Variants in SPOCK3 observed in about 807,000 individuals in gnomAD.
SPOCK3 encodes the protein SPARC (osteonectin), cwcv and kazal like domains proteoglycan 3.
A neutral mutation model predicts 56.6 loss-of-function variants in SPOCK3; 30 were observed. The observed-to-expected ratio is 0.53, with a 90% confidence interval of 0.40 to 0.72. The LOEUF is 0.72. SPOCK3 is among the 30% of genes least tolerant of loss of function. SPOCK3 has a pLI of 0.00. For synonymous variants in SPOCK3, 196 were observed against 183.3 expected, an observed-to-expected ratio of 1.07 and a Z score of -0.56; for missense variants, 527 against 530.0, an observed-to-expected ratio of 0.99 and a Z score of 0.06.
chr4:166,937,229 TG>T (rs1457727027), intron 4 of SPOCK3, among the ~76,000 whole-genome samples: 2 of 151,892 alleles, frequency 1.3e-5, no homozygotes, highest in Non-Finnish European at 2.9e-5. Context: ...CATCAAGTCG[TG>T]ACTAGAAAAT....
chr4:167,054,547 G>A (rs1460679051), intron 3 of SPOCK3, among the ~76,000 whole-genome samples: 2 of 152,176 alleles, frequency 1.3e-5, no homozygotes, highest in Non-Finnish European at 2.9e-5. Context: ...ATGAAGAGAA[G>A]TAATATCACA....
At chr4:166,999,043 G>A (rs1488053078) in intron 4 of SPOCK3, among the ~76,000 whole-genome samples, 1 of 152,164 alleles carries the variant, frequency 6.6e-6, no homozygotes, top group Non-Finnish European at 1.5e-5. Context: ...TGGGGGATAT[G>A]TTACTGATAA....
At chr4:167,228,274 C>T (rs1736798840) in intron 2 of SPOCK3, among the ~76,000 whole-genome samples, 1 of 152,090 alleles carries the variant, frequency 6.6e-6, no homozygotes, top group Non-Finnish European at 1.5e-5. Flanking sequence ...AATCTACGCA[C>T]ATAAATACAT....
At chr4:167,076,353 C>T (rs1055369194) in intron 2 of SPOCK3, among the ~76,000 whole-genome samples, 3 of 151,716 alleles carry the variant, frequency 2.0e-5, no homozygotes, top group Admixed American at 6.6e-5. Context: ...TGTGATCACT[C>T]TGGTAGGGAT....
chr4:166,836,524 T>G (rs977148091), intron 6 of SPOCK3, among the ~76,000 whole-genome samples: 1 of 152,208 alleles, frequency 6.6e-6, no homozygotes, highest in African/African-American at 2.4e-5. Context: ...ACTGACATAT[T>G]TTTTCTTATG....
chr4:167,030,861 C>G (rs1314645440), intron 3 of SPOCK3, among the ~76,000 whole-genome samples: 1 of 152,024 alleles, frequency 6.6e-6, no homozygotes, highest in East Asian at 1.9e-4. Context: ...CTCCAACAAG[C>G]TGCAGGAACT....
At chr4:166,821,369 A>C (rs1744923218) in intron 6 of SPOCK3, among the ~76,000 whole-genome samples, 1 of 152,056 alleles carries the variant, frequency 6.6e-6, no homozygotes, top group African/African-American at 2.4e-5. Flanking sequence ...AGACATTTTG[A>C]AAAACGGTTT....
intron 2 of SPOCK3, among the ~76,000 whole-genome samples, chr4:167,107,123 G>A (rs1463980408): frequency 2.0e-5 from 3 of 151,752 alleles, no homozygotes; most frequent in South Asian, 4.1e-4. Flanking sequence ...ATAAATAGAG[G>A]GAAAAGGAAT....
chr4:166,828,960 C>T (rs1312419507), intron 6 of SPOCK3, among the ~76,000 whole-genome samples: 1 of 151,848 alleles, frequency 6.6e-6, no homozygotes, highest in Admixed American at 6.6e-5. Context: ...CTACTGTTTC[C>T]CTATTAAAAA....
At chr4:166,890,295 T>A (rs6832604) in intron 5 of SPOCK3, among the ~76,000 whole-genome samples, 92,418 of 151,498 alleles carry the variant, frequency 0.61, 28,719 homozygotes, top group East Asian at 0.77. Flanking sequence ...CTGAGTACCA[T>A]CTCCTAAAAG....
chr4:166,734,786 AT>A lies in SPOCK3; in HGVS notation c.*134del. 1 of 776,686 alleles carries A rather than the reference AT, an allele frequency of 1.3e-6. No individual in the cohort carries two copies. 48.1% of individuals were successfully genotyped at this position (776,686 alleles called of 1,614,324 possible). ...ATAAAGTTCTATAACTTTAGCTGCA[AT>A]TTTTCAAATAATTATACAAAATATA... On this transcript the variant is annotated 3_prime_UTR_variant, in exon 11 of 11. Transcript: ENST00000357545.
intron 3 of SPOCK3, among the ~76,000 whole-genome samples, chr4:167,061,960 C>T (rs548692668): frequency 1.1e-4 from 16 of 151,782 alleles, no homozygotes; most frequent in African/African-American, 3.9e-4. Flanking sequence ...TTCTTGTTTT[C>T]CTTTTAAAGG....
chr4:166,842,945 G>T (rs1044864304), intron 6 of SPOCK3, among the ~76,000 whole-genome samples: 26 of 152,224 alleles, frequency 1.7e-4, no homozygotes, highest in Admixed American at 6.5e-5. Context: ...AGGCATGGCA[G>T]GCTGCAGATC....
chr4:166,765,030 T>A (rs1737804202), intron 7 of SPOCK3, among the ~76,000 whole-genome samples: 1 of 152,080 alleles, frequency 6.6e-6, no homozygotes, highest in Admixed American at 6.6e-5. Context: ...CACTTTTCGA[T>A]GGGTTCTTTG....
chr4:166,766,596 C>T (rs908563488), intron 7 of SPOCK3, among the ~76,000 whole-genome samples: 18 of 152,012 alleles, frequency 1.2e-4, no homozygotes, highest in African/African-American at 3.1e-4. Context: ...TTGCCAGTAT[C>T]TTATTGAGGA....
chr4:166,824,134 C>G (rs933230185), intron 6 of SPOCK3, among the ~76,000 whole-genome samples: 8 of 152,010 alleles, frequency 5.3e-5, no homozygotes, highest in Non-Finnish European at 7.4e-5. Context: ...GGAGCCATAG[C>G]CTCTCAACTG....
intron 2 of SPOCK3, among the ~76,000 whole-genome samples, chr4:167,159,840 TC>T (rs1266685945): frequency 7.9e-5 from 12 of 151,892 alleles, no homozygotes; most frequent in Admixed American, 4.6e-4. Context: ...AAATTCAACA[TC>T]CCTTCATGCT....
intron 5 of SPOCK3, among the ~76,000 whole-genome samples, chr4:166,895,566 T>G (rs1278396385): frequency 7.2e-5 from 11 of 152,186 alleles, no homozygotes; most frequent in Admixed American, 7.2e-4. Context: ...ATAAAAATAC[T>G]GAAGTGTGAT....
rs28432321 is a variant in SPOCK3 at position 166,750,003 on chromosome 4, A to T, written c.931+4505T>A. ...AACACCCTCGTGCATTTGAGTCTAT[A>T]CCTGAAAATGCACGTACATTTGATC... On this transcript the variant is annotated intron_variant, in intron 8 of 10. Coordinates refer to ENST00000357545, the MANE Select transcript of SPOCK3 (RefSeq NM_001040159.2). Among the ~76,000 whole-genome samples the T allele has an allele frequency of 8.7e-3, 1,318 of 152,222 alleles. 25 individuals carry two copies. Among genetic ancestry groups the T allele is most frequent in the African/African-American group, 0.03 (1,249 of 41,560 alleles).
Sources: gnomAD v4.1 joint callset for allele counts (sites outside exome capture counted in the v4.1 genomes callset) on GRCh38, gnomAD v4.1.1 for gene constraint, MANE v1.5 for transcripts, NCBI Gene and HGNC (gene_info 2026-07-23, HGNC 2026-07-21) for gene names.